The following CYFIP1 variants were observed in gnomAD, a reference collection of about 807,000 sequenced individuals.
CYFIP1 encodes the protein cytoplasmic FMR1-interacting protein 1.
Under a neutral mutation model 163.5 loss-of-function variants are expected in CYFIP1, and 58 were observed. The ratio of observed to expected loss-of-function variants is 0.35; its 90% CI spans 0.29 to 0.44. CYFIP1 has a LOEUF of 0.44. Ranked by LOEUF, CYFIP1 falls within the 20% of genes least tolerant of loss-of-function variation. CYFIP1 has a pLI of 1.00. For missense variants in CYFIP1, 1,338 were observed against 1,653.8 expected (o/e 0.81, Z 3.31); for synonymous variants, 663 against 660.7 (o/e 1.00, Z -0.05).
Position 22,870,302 on chromosome 15 carries a change from A to G in CYFIP1, c.3598-110T>C. On this transcript the variant is annotated intron_variant, in intron 30 of 30. Transcript: ENST00000617928. ...TTCTCAGAAAAATAATAGCAAACGG[A>G]ATTGACACACATACTGTTCTTTTTG... is the stretch of plus-strand genomic sequence containing the variant. 5.2e-6 allele frequency: 7 copies of G among 1,335,786 alleles called. No homozygotes were observed. In the South Asian group the frequency reaches 9.3e-5, roughly 18 times the overall value. 82.7% of individuals were successfully genotyped at this position (1,335,786 alleles called of 1,614,324 possible). A position where few individuals can be genotyped will look rare whatever the true frequency, so the allele number is the denominator to read the frequency against.
At chr15:22,915,381 T>C (rs1341253107) in intron 16 of CYFIP1, among the ~76,000 whole-genome samples, 1 of 152,102 alleles carries the variant, frequency 6.6e-6, no homozygotes, top group Non-Finnish European at 1.5e-5. Flanking sequence ...TGCCTTGGCT[T>C]CCCAAAGTGT....
rs140668158 is a variant in CYFIP1 at position 22,974,880 on chromosome 15, C to T, written c.-7+5407G>A. Among the ~76,000 whole-genome samples, 15 of 151,990 alleles carry T rather than the reference C, an allele frequency of 9.9e-5. No individual in the cohort carries two copies. The East Asian group carries it at 2.3e-3, about 24-fold the overall frequency. On this transcript the variant is annotated intron_variant, in intron 1 of 30. Coordinates refer to ENST00000617928, the MANE Select transcript of CYFIP1 (RefSeq NM_014608.6). ...CAGACTTTTTCCAGTAAAAGTTACA[C>T]GGTGTATGCCTGCCTCTCTAGCCCC...
intron 1 of CYFIP1, chr15:22,948,009 C>G: frequency 1.0e-6 from 1 of 985,146 alleles, no homozygotes; most frequent in Non-Finnish European, 1.2e-6. Flanking sequence ...GGGATGGGAC[C>G]AGGGGCAGCT....
At chr15:22,919,888 G>A (rs1462529986) in intron 13 of CYFIP1, among the ~76,000 whole-genome samples, 4 of 151,792 alleles carry the variant, frequency 2.6e-5, no homozygotes, top group Admixed American at 6.6e-5. Context: ...CAGGTGTGGT[G>A]GCATGAGCCT....
chr15:22,941,763 C>G (rs1316361656), intron 6 of CYFIP1, among the ~76,000 whole-genome samples: 3 of 151,998 alleles, frequency 2.0e-5, no homozygotes, highest in Non-Finnish European at 4.4e-5. Flanking sequence ...CATCTGTAAA[C>G]TGTTTTACAG....
intron 11 of CYFIP1, among the ~76,000 whole-genome samples, chr15:22,928,506 A>G (rs1193179080): frequency 6.6e-6 from 1 of 152,234 alleles, no homozygotes; most frequent in Admixed American, 6.5e-5. Context: ...CGTGCTGCAG[A>G]GCACAGAGCA....
chr15:22,883,626 G>C (rs1432394691), intron 23 of CYFIP1, among the ~76,000 whole-genome samples: 5 of 152,028 alleles, frequency 3.3e-5, no homozygotes, highest in African/African-American at 7.3e-5. Flanking sequence ...GACCATCCTG[G>C]CTAACACGGT....
At position 22,873,679 on chromosome 15, in the gene CYFIP1, G is replaced by A. The variant is rs1231582618; in HGVS notation, c.3261C>T (p.Cys1087=). Reference sequence around the variant, plus strand: ...TGACCTCAAACATGGACAGGCCGCAGCAGAGGCGCTCCTTTGTCAGCAGGT... The same window carrying A: ...TGACCTCAAACATGGACAGGCCGCAACAGAGGCGCTCCTTTGTCAGCAGGT... ...EGDLLTKERL[C]CGLSMFEVIL... The change falls in exon 29 of 31, where the codon TGC becomes TGT. Residue 1087 remains cysteine (C), a synonymous_variant. Transcript: ENST00000617928. 3 of 1,614,062 alleles carry A rather than the reference G, an allele frequency of 1.9e-6. No homozygotes were observed. The highest frequency in any genetic ancestry group is 1.7e-5 in the Admixed American group (1 of 60,008).
intron 29 of CYFIP1, among the ~76,000 whole-genome samples, 193 bp from the exon 30 acceptor site, chr15:22,873,165 G>T (rs2059484832): frequency 6.6e-6 from 1 of 152,092 alleles, no homozygotes; most frequent in Admixed American, 6.5e-5. Context: ...TAACTTTTTT[G>T]GGCTCTTCTG....
intron 22 of CYFIP1, among the ~76,000 whole-genome samples, chr15:22,899,000 T>TA (rs778455020): frequency 7.6e-4 from 108 of 141,850 alleles, no homozygotes; most frequent in East Asian, 1.6e-3. Flanking sequence ...AGACTCTGTC[T>TA]AAAAAAAAAA....
At chr15:22,904,426 G>A (rs2060504389) in intron 21 of CYFIP1, 1 of 174,042 alleles carries the variant, frequency 5.7e-6, no homozygotes, top group African/African-American at 2.4e-5. Flanking sequence ...TGGCAGCCGG[G>A]GCCGGAGCAC....
At chr15:22,975,875 A>G (rs912972320) in intron 1 of CYFIP1, among the ~76,000 whole-genome samples, 3 of 152,206 alleles carry the variant, frequency 2.0e-5, no homozygotes, top group Non-Finnish European at 2.9e-5. Context: ...AAGTAGGTAT[A>G]TTATACCTCA....
chr15:22,968,885 T>C (rs529188468), intron 1 of CYFIP1, among the ~76,000 whole-genome samples: 3 of 152,262 alleles, frequency 2.0e-5, no homozygotes, highest in South Asian at 2.1e-4. Context: ...GCTTGAGAAG[T>C]TGAGCTTTGG....
intron 1 of CYFIP1, among the ~76,000 whole-genome samples, chr15:22,955,936 G>A (rs1466173370): frequency 1.3e-5 from 2 of 152,088 alleles, no homozygotes; most frequent in Non-Finnish European, 2.9e-5. Context: ...TGTGATTTGG[G>A]GCTGGGCACA....
intron 22 of CYFIP1, among the ~76,000 whole-genome samples, chr15:22,894,256 A>T (rs180787859): frequency 6.8e-6 from 1 of 146,326 alleles, no homozygotes; most frequent in Non-Finnish European, 1.5e-5. Context: ...ATATGATGCC[A>T]CTTATATTAC....
At chr15:22,953,580 T>C (rs1210278699) in intron 1 of CYFIP1, among the ~76,000 whole-genome samples, 1 of 152,174 alleles carries the variant, frequency 6.6e-6, no homozygotes, top group Non-Finnish European at 1.5e-5. Flanking sequence ...CAGCACCAGG[T>C]CTGGCCTGGT....
chr15:22,956,224 A>G (rs8038998), intron 1 of CYFIP1, among the ~76,000 whole-genome samples: 97,662 of 151,716 alleles, frequency 0.64, 31,757 homozygotes, highest in East Asian at 0.81. Flanking sequence ...ATAAATAAAT[A>G]TGATTTGGTC....
intron 22 of CYFIP1, among the ~76,000 whole-genome samples, chr15:22,899,766 G>A (rs1012159915): frequency 1.3e-5 from 2 of 151,920 alleles, no homozygotes; most frequent in Admixed American, 6.5e-5. Context: ...CAGTATGTTC[G>A]TCCAGGTGCA....
At chr15:22,971,596 A>C (rs1176176599) in intron 1 of CYFIP1, among the ~76,000 whole-genome samples, 1 of 151,938 alleles carries the variant, frequency 6.6e-6, no homozygotes, top group Non-Finnish European at 1.5e-5. Flanking sequence ...GAACTGCTTG[A>C]ACACGGGAGG....
Sources: gnomAD v4.1 joint callset for allele counts (sites outside exome capture counted in the v4.1 genomes callset) on GRCh38, gnomAD v4.1.1 for gene constraint, MANE v1.5 for transcripts, NCBI Gene and HGNC (gene_info 2026-07-23, HGNC 2026-07-21) for gene names.